The following KLHL25 variants were observed in gnomAD, a reference collection of about 807,000 sequenced individuals.
The protein encoded by KLHL25 is kelch-like protein 25.
A neutral mutation model predicts 30.0 loss-of-function variants in KLHL25; 41 were observed. The ratio of observed to expected loss-of-function variants is 1.37; its 90% CI spans 1.07 to 1.78. The LOEUF (loss-of-function observed/expected upper bound fraction) is 1.78, where lower values mean the gene tolerates loss of function less well. Among genes scored for constraint, KLHL25 ranks in the 40% most tolerant of loss-of-function variants. The probability of loss-of-function intolerance (pLI) is 0.00; values close to 1 mark genes in which losing one functional copy is unlikely to be tolerated. For missense variants in KLHL25, 971 were observed against 824.5 expected, an observed-to-expected ratio of 1.18 and a Z score of -2.18; for synonymous variants, 399 against 355.3, an observed-to-expected ratio of 1.12 and a Z score of -1.38.
chr15:85,776,786 G>C (rs886363354), intron 1 of KLHL25, among the ~76,000 whole-genome samples: 1 of 151,130 alleles, frequency 6.6e-6, no homozygotes, highest in African/African-American at 2.4e-5. Context: ...TTAGCTGGGT[G>C]TGGTGGCGGG....
chr15:85,761,055 T>TTGTTC (rs1427800668), intron 2 of KLHL25, 44 bp from the exon 3 acceptor site: 2 of 152,474 alleles, frequency 1.3e-5, no homozygotes, highest in African/African-American at 4.8e-5. Flanking sequence ...AGTGGCCACA[T>TTGTTC]TGTTCTGTTC....
At chr15:85,775,080 T>G (rs1216947845) in intron 1 of KLHL25, among the ~76,000 whole-genome samples, 1 of 152,162 alleles carries the variant, frequency 6.6e-6, no homozygotes, top group African/African-American at 2.4e-5. Context: ...TTTCACCATG[T>G]TGGCCAGGCT....
intron 2 of KLHL25, chr15:85,761,363 G>C (rs2089581607): frequency 6.6e-6 from 1 of 152,266 alleles, no homozygotes. Flanking sequence ...ACCGGCGTGA[G>C]AGCCGTGGTT....
At chr15:85,776,700 C>T (rs1236214429) in intron 1 of KLHL25, among the ~76,000 whole-genome samples, 2 of 151,868 alleles carry the variant, frequency 1.3e-5, no homozygotes, top group Non-Finnish European at 2.9e-5. Context: ...CTGAGGTGGG[C>T]GGATCATGAG....
At position 85,773,450 on chromosome 15, in the gene KLHL25, G is replaced by A. The variant is rs72751883; in HGVS notation, c.-10-3630C>T. Among the ~76,000 whole-genome samples the A allele has an allele frequency of 2.9e-3, 440 of 152,258 alleles. 1 individual carries two copies. The highest frequency in any genetic ancestry group is 4.6e-3 in the Non-Finnish European group (314 of 68,008). Reference sequence around the variant, plus strand: ...ATTTTACTCACACCAGCACAATGCCGCCTCCTCCTCGCACTCACACCCTGA... The same window carrying A: ...ATTTTACTCACACCAGCACAATGCCACCTCCTCCTCGCACTCACACCCTGA... On this transcript the variant is annotated intron_variant, in intron 1 of 2. Coordinates refer to ENST00000337975, the MANE Select transcript of KLHL25 (RefSeq NM_022480.4).
intron 1 of KLHL25, chr15:85,770,710 C>G (rs1311589593): frequency 2.7e-6 from 1 of 375,430 alleles, no homozygotes; most frequent in African/African-American, 2.1e-5. Context: ...CAGAGAAACA[C>G]GAAGCCAGAG....
intron 1 of KLHL25, among the ~76,000 whole-genome samples, chr15:85,780,725 A>G (rs909463459): frequency 2.0e-5 from 3 of 152,216 alleles, no homozygotes; most frequent in African/African-American, 7.2e-5. Context: ...CTCAATTCCC[A>G]AAGCCCAAGA....
chr15:85,784,983 A>G (rs2089771151), intron 1 of KLHL25, among the ~76,000 whole-genome samples: 1 of 152,250 alleles, frequency 6.6e-6, no homozygotes, highest in East Asian at 1.9e-4. Context: ...ATAGACATTA[A>G]AAACACACCA....
chr15:85,787,302 T>C (rs1443980266), intron 1 of KLHL25, among the ~76,000 whole-genome samples: 1 of 152,038 alleles, frequency 6.6e-6, no homozygotes, highest in African/African-American at 2.4e-5. Context: ...CAAAATTAGC[T>C]GGGCGTGGTG....
intron 1 of KLHL25, among the ~76,000 whole-genome samples, chr15:85,793,158 G>A (rs1488565697): frequency 2.6e-5 from 4 of 151,634 alleles, no homozygotes; most frequent in African/African-American, 9.7e-5. Context: ...CCCACACGGG[G>A]TGCCCGCAGA....
intron 1 of KLHL25, among the ~76,000 whole-genome samples, chr15:85,793,040 ACT>A (rs1290397098): frequency 6.6e-6 from 1 of 151,088 alleles, no homozygotes; most frequent in Non-Finnish European, 1.5e-5. Context: ...ACTAAATAAC[ACT>A]CTCACTCATC....
intron 1 of KLHL25, among the ~76,000 whole-genome samples, chr15:85,791,321 C>T (rs1222799903): frequency 6.6e-6 from 1 of 151,408 alleles, no homozygotes; most frequent in Non-Finnish European, 1.5e-5. Flanking sequence ...CATGGAGAAA[C>T]CCCGTCTCTA....
In KLHL25 at chr15:85,769,706, G is replaced by A; in HGVS notation, c.105C>T (p.His35=). The part of the protein sequence containing the change: ...KASHPDCVLA[H]LNTLRKHCMF... Reference sequence around the variant, plus strand: ...TGCAGTGCTTGCGAAGCGTGTTGAGGTGGGCCAGCACACAGTCCGGGTGGG... The same window carrying A: ...TGCAGTGCTTGCGAAGCGTGTTGAGATGGGCCAGCACACAGTCCGGGTGGG... The change falls in exon 2 of 3, where the codon CAC becomes CAT. Residue 35 remains histidine, a synonymous_variant. Transcript: ENST00000337975. The A allele has an allele frequency of 6.2e-7, 1 of 1,613,996 alleles. No homozygotes were observed. Among genetic ancestry groups the A allele is most frequent in the Non-Finnish European group, 8.5e-7 (1 of 1,180,042 alleles).
chr15:85,779,402 G>C (rs2089730131), intron 1 of KLHL25, among the ~76,000 whole-genome samples: 1 of 152,118 alleles, frequency 6.6e-6, no homozygotes, highest in African/African-American at 2.4e-5. Context: ...TTAGTTCTTG[G>C]GGAATGAAAA....
In KLHL25 at chr15:85,792,135, T is replaced by C. The variant is rs557023481; in HGVS notation, c.-11+2631A>G. 2.6e-5 allele frequency among the ~76,000 whole-genome samples: 4 copies of C among 152,272 alleles called. No homozygotes were observed. In the East Asian group the frequency reaches 5.8e-4, roughly 22 times the overall value. Reference sequence around the variant, plus strand: ...GTGGTCAAGGAAAGGGGTTGGAACCTACTGTAGGGGCTGGGCTGACTTCCA... The same window carrying C: ...GTGGTCAAGGAAAGGGGTTGGAACCCACTGTAGGGGCTGGGCTGACTTCCA... On this transcript the variant is annotated intron_variant, in intron 1 of 2. Coordinates refer to ENST00000337975, the MANE Select transcript of KLHL25 (RefSeq NM_022480.4).
chr15:85,766,149 T>C (rs2089623523), intron 2 of KLHL25, among the ~76,000 whole-genome samples: 1 of 152,214 alleles, frequency 6.6e-6, no homozygotes, highest in African/African-American at 2.4e-5. Flanking sequence ...GGCCAGCTCC[T>C]GAAAGGGTTC....
chr15:85,792,724 T>C (rs1320766267), intron 1 of KLHL25, among the ~76,000 whole-genome samples: 2 of 152,144 alleles, frequency 1.3e-5, no homozygotes, highest in African/African-American at 2.4e-5. Context: ...GGGAGAAGTG[T>C]GGGTGAGCGA....
At chr15:85,777,660 C>T (rs901063838) in intron 1 of KLHL25, among the ~76,000 whole-genome samples, 2 of 152,208 alleles carry the variant, frequency 1.3e-5, no homozygotes, top group Admixed American at 1.3e-4. Context: ...AGCCTCTGGT[C>T]ACCAGGGAGT....
intron 1 of KLHL25, among the ~76,000 whole-genome samples, chr15:85,785,963 C>CT (rs1597281178): frequency 1.2e-5 from 1 of 84,912 alleles, no homozygotes; most frequent in Admixed American, 1.3e-4. Flanking sequence ...GCAGCCGACC[C>CT]ACCCCCCCGC....
Sources: allele counts gnomAD v4.1 joint callset (sites outside exome capture counted in the v4.1 genomes callset), GRCh38; gene constraint gnomAD v4.1.1; transcripts MANE v1.5; gene names NCBI Gene and HGNC (gene_info 2026-07-23, HGNC 2026-07-21).